The following SNCAIP variants were observed in gnomAD, a reference collection of about 807,000 sequenced individuals.
SNCAIP encodes the protein synphilin-1.
A neutral mutation model predicts 86.7 loss-of-function variants in SNCAIP; 43 were observed. That is an observed-to-expected ratio of 0.50 (90% CI 0.39 to 0.64). SNCAIP has a LOEUF of 0.64. Ranked by LOEUF, SNCAIP falls within the 30% of genes least tolerant of loss-of-function variation. The pLI is 0.00. For missense variants in SNCAIP, 981 were observed against 1,103.1 expected (o/e 0.89, Z 1.57); for synonymous variants, 417 against 427.2 (o/e 0.98, Z 0.29).
intron 7 of SNCAIP, chr5:122,444,296 G>T (rs771342249): frequency 1.9e-6 from 1 of 535,156 alleles, no homozygotes; most frequent in Non-Finnish European, 3.6e-6. Flanking sequence ...CACAAAGACT[G>T]CACTGCATAT....
At chr5:122,426,733 T>TA (rs1777441469) in intron 5 of SNCAIP, among the ~76,000 whole-genome samples, 2 of 152,254 alleles carry the variant, frequency 1.3e-5, no homozygotes, top group African/African-American at 4.8e-5. Flanking sequence ...TAAATAGAAC[T>TA]AAACTACAGG....
At position 122,391,022 on chromosome 5, in the gene SNCAIP, G is replaced by T. The variant is rs1347021735; in HGVS notation, c.-46-67G>T. On this transcript the variant is annotated intron_variant, in intron 1 of 10. Coordinates refer to ENST00000261368, the MANE Select transcript of SNCAIP (RefSeq NM_005460.4). ...TTCTCATCTTATTTGTTTAAATGTA[G>T]ACATTATTTTTGGTTGTAAAACGGC... 3 of 809,100 alleles carry T rather than the reference G, an allele frequency of 3.7e-6. No individual in the cohort carries two copies. In the East Asian group the frequency reaches 7.4e-5, roughly 20 times the overall value. The allele number at this position is 809,100 out of a possible 1,614,324, so 50.1% of individuals were successfully genotyped here. A position where few individuals can be genotyped will look rare whatever the true frequency, so the allele number is the denominator to read the frequency against.
intron 5 of SNCAIP, among the ~76,000 whole-genome samples, chr5:122,429,837 GTGGTTATAAGAACTTGAGATAGAAAGGAC>G (rs1349301219): frequency 1.3e-5 from 2 of 152,154 alleles, no homozygotes; most frequent in East Asian, 3.9e-4. Flanking sequence ...AGGGAAAGGA[GTGGTTATAAGAACTTGAGATAGAAAGGAC>G]TGAGTACAAA....
At position 122,389,776 on chromosome 5, in the gene SNCAIP, C is replaced by T. The variant is rs570055285; in HGVS notation, c.-46-1313C>T. 3 of 152,032 alleles carry T rather than the reference C, an allele frequency of 2.0e-5. No individual in the cohort carries two copies. The South Asian group carries it at 6.2e-4, about 32-fold the overall frequency. The allele number at this position is 152,032 out of a possible 1,614,324, so 9.4% of individuals were successfully genotyped here. A position where few individuals can be genotyped will look rare whatever the true frequency, so the allele number is the denominator to read the frequency against. On this transcript the variant is annotated intron_variant, in intron 1 of 10. Coordinates refer to ENST00000261368, the MANE Select transcript of SNCAIP (RefSeq NM_005460.4). ...ATCCTAATCCTTTCTTGGATGGACTCTGTATCTATTGTAATTAAGACTTTA... is the reference window on the plus strand; with the variant it reads ...ATCCTAATCCTTTCTTGGATGGACTTTGTATCTATTGTAATTAAGACTTTA...
intron 6 of SNCAIP, among the ~76,000 whole-genome samples, 175 bp downstream of exon 6, chr5:122,432,257 C>A (rs1277511281): frequency 6.6e-6 from 1 of 151,924 alleles, no homozygotes; most frequent in Non-Finnish European, 1.5e-5. Flanking sequence ...TTTACAACAA[C>A]CTAAATAAAT....
chr5:122,376,508 A>G (rs1005335749), intron 1 of SNCAIP, among the ~76,000 whole-genome samples: 2 of 152,120 alleles, frequency 1.3e-5, no homozygotes, highest in Non-Finnish European at 2.9e-5. Context: ...CCCATGCTCA[A>G]CTTCCCAGTG....
chr5:122,329,816 T>C (rs1230490844), intron 1 of SNCAIP, among the ~76,000 whole-genome samples: 1 of 152,196 alleles, frequency 6.6e-6, no homozygotes, highest in Non-Finnish European at 1.5e-5. Context: ...TATGGAAATA[T>C]GTATCTTAGA....
chr5:122,327,690 T>C (rs1022446818), intron 1 of SNCAIP, among the ~76,000 whole-genome samples: 1 of 152,168 alleles, frequency 6.6e-6, no homozygotes, highest in African/African-American at 2.4e-5. Flanking sequence ...GAACTGTGAG[T>C]CAATTAAACC....
At position 122,444,665 on chromosome 5, in the gene SNCAIP, C is replaced by G. The variant is rs1204823807; in HGVS notation, c.1525C>G (p.Leu509Val). The G allele has an allele frequency of 6.2e-7, 1 of 1,614,006 alleles. No homozygotes were observed. Residue 509 changes from leucine to valine, a missense_variant, in exon 8 of 11, where the codon CTG (leucine) becomes GTG (valine). Transcript: ENST00000261368. ...GGGGCACACCCTGTGCTCCAGGTAC[C>G]TGGTGGTGGTGGAGACCTGCATGTC... ...RQGHTLCSRYLVVVETCMSLA... is the reference protein window; with the variant it reads ...RQGHTLCSRYVVVVETCMSLA...
At chr5:122,459,929 T>C (rs1156700315) in intron 10 of SNCAIP, among the ~76,000 whole-genome samples, 1 of 152,162 alleles carries the variant, frequency 6.6e-6, no homozygotes, top group African/African-American at 2.4e-5. Flanking sequence ...TATTCTCTAT[T>C]TCTAAGTAAC....
chr5:122,440,600 A>C lies in SNCAIP; in HGVS notation c.1297-29A>C, dbSNP rs1368540555. 5 of 1,608,752 alleles carry C rather than the reference A, an allele frequency of 3.1e-6. No individual in the cohort carries two copies. In the Admixed American group the frequency reaches 8.3e-5, roughly 27 times the overall value. On this transcript the variant is annotated intron_variant, in intron 6 of 10. Coordinates refer to ENST00000261368, the MANE Select transcript of SNCAIP (RefSeq NM_005460.4). ...ATCTAACTTCTCTGCAAGATATTAC[A>C]TGAATTCCAACTGTCTTTGTGTTTA... is the stretch of plus-strand genomic sequence containing the variant.
At chr5:122,326,119 C>T (rs1753966702) in intron 1 of SNCAIP, among the ~76,000 whole-genome samples, 1 of 152,162 alleles carries the variant, frequency 6.6e-6, no homozygotes, top group African/African-American at 2.4e-5. Context: ...ACTGTAAGGG[C>T]TGAGGCTAAG....
rs575426870 is a variant in SNCAIP at position 122,391,343 on chromosome 5, T to C, written c.57+152T>C. On this transcript the variant is annotated intron_variant, in intron 2 of 10. Transcript: ENST00000261368. ...TCCTGTGTGGCAGACTCGGTGTGGT[T>C]TGGGGGGATCTCTTAGACCAAGAAG... is the stretch of plus-strand genomic sequence containing the variant. 23 of 687,808 alleles carry C rather than the reference T, an allele frequency of 3.3e-5. No homozygotes were observed. In the African/African-American group the frequency reaches 3.6e-4, roughly 11 times the overall value. The allele number at this position is 687,808 out of a possible 1,614,324, so 42.6% of individuals were successfully genotyped here.
At chr5:122,393,084 TTGAG>T (rs1161878606) in intron 2 of SNCAIP, among the ~76,000 whole-genome samples, 25 of 152,192 alleles carry the variant, frequency 1.6e-4, no homozygotes, top group Non-Finnish European at 4.4e-5. Flanking sequence ...TATGCAATAG[TTGAG>T]TGTCTATAAC....
At chr5:122,414,510 G>A (rs1169495615) in intron 3 of SNCAIP, among the ~76,000 whole-genome samples, 3 of 152,032 alleles carry the variant, frequency 2.0e-5, no homozygotes, top group Admixed American at 6.6e-5. Context: ...AATTACTAGC[G>A]TGAGCCACCT....
intron 3 of SNCAIP, among the ~76,000 whole-genome samples, chr5:122,405,791 T>A (rs189847693): frequency 6.6e-6 from 1 of 152,356 alleles, no homozygotes; most frequent in East Asian, 1.9e-4. Flanking sequence ...ACAGAAACTT[T>A]TAGTTTTTCC....
chr5:122,405,054 T>C (rs1772678553), intron 3 of SNCAIP, among the ~76,000 whole-genome samples: 1 of 152,224 alleles, frequency 6.6e-6, no homozygotes, highest in Non-Finnish European at 1.5e-5. Context: ...TGGCTATAAG[T>C]CTTATAAGGA....
At chr5:122,397,353 T>G (rs1355238386) in intron 2 of SNCAIP, among the ~76,000 whole-genome samples, 1 of 152,126 alleles carries the variant, frequency 6.6e-6, no homozygotes, top group Non-Finnish European at 1.5e-5. Context: ...TCTTACCACA[T>G]TTACTAAGTG....
chr5:122,449,224 A>G (rs1783189397), intron 8 of SNCAIP, among the ~76,000 whole-genome samples: 1 of 152,198 alleles, frequency 6.6e-6, no homozygotes, highest in African/African-American at 2.4e-5. Flanking sequence ...CACAAATTGT[A>G]CTTTATGATA....
Sources: gnomAD v4.1 joint callset for allele counts (sites outside exome capture counted in the v4.1 genomes callset) on GRCh38, gnomAD v4.1.1 for gene constraint, MANE v1.5 for transcripts, NCBI Gene and HGNC (gene_info 2026-07-23, HGNC 2026-07-21) for gene names.